The following VOPP1 variants were observed in gnomAD, a reference collection of about 807,000 sequenced individuals.
VOPP1 encodes VOPP1 WW domain binding protein, also known as WW domain binding protein VOPP1.
A neutral mutation model predicts 23.5 loss-of-function variants in VOPP1; 8 were observed. The observed-to-expected ratio is 0.34, with a 90% confidence interval of 0.20 to 0.61. The LOEUF (loss-of-function observed/expected upper bound fraction) is 0.61, where lower values mean the gene tolerates loss of function less well. Among genes scored for constraint, VOPP1 ranks in the 20% least tolerant of loss-of-function variants. The pLI, the probability that VOPP1 is intolerant of heterozygous loss-of-function variation, is 0.78. For missense variants in VOPP1, 174 were observed against 238.1 expected (o/e 0.73, Z 1.77); for synonymous variants, 83 against 97.3 (o/e 0.85, Z 0.86).
chr7:55,546,925 C>T (rs1402022034), intron 1 of VOPP1, among the ~76,000 whole-genome samples: 4 of 152,220 alleles, frequency 2.6e-5, no homozygotes, highest in Admixed American at 2.6e-4. Context: ...AGGCCTTGTC[C>T]CCAGTGCCCC....
intron 4 of VOPP1, among the ~76,000 whole-genome samples, chr7:55,476,912 C>G (rs909834405): frequency 6.6e-6 from 1 of 152,202 alleles, no homozygotes; most frequent in African/African-American, 2.4e-5. Flanking sequence ...AGCCTTGTGT[C>G]TCACCGCCTG....
intron 4 of VOPP1, among the ~76,000 whole-genome samples, chr7:55,473,550 A>AT (rs1050987716): frequency 1.3e-5 from 2 of 152,130 alleles, no homozygotes; most frequent in East Asian, 1.9e-4. Context: ...GCTGCAGCTG[A>AT]TTGACGCTCC....
intron 4 of VOPP1, among the ~76,000 whole-genome samples, chr7:55,436,450 G>A (rs2128997951): frequency 6.6e-6 from 1 of 152,282 alleles, no homozygotes; most frequent in East Asian, 1.9e-4. Flanking sequence ...GCAGGTGAAG[G>A]TGCCGGTGAT....
At chr7:55,486,413 G>A (rs1793145822) in intron 4 of VOPP1, among the ~76,000 whole-genome samples, 1 of 152,206 alleles carries the variant, frequency 6.6e-6, no homozygotes, top group Non-Finnish European at 1.5e-5. Context: ...ACTGGGCTGT[G>A]CAAACCATAA....
Position 55,459,733 on chromosome 7 carries a change from GATTTT to G in VOPP1, n.418-23564_418-23560del, listed in dbSNP as rs565519631. Among the ~76,000 whole-genome samples the G allele has an allele frequency of 5.7e-3, 863 of 151,912 alleles. 9 individuals are homozygous for G. The highest frequency in any genetic ancestry group is 0.02 in the African/African-American group (819 of 41,452). On this transcript the variant is annotated intron_variant and non_coding_transcript_variant, in intron 4 of 4. Transcript: ENST00000462326. Reference sequence around the variant, plus strand: ...TTATAATATCTTCTTTCTCATTTCTGATTTTATTTGACTCTTCTTCCTTTTTTCAT... The same window carrying G: ...TTATAATATCTTCTTTCTCATTTCTGATTTGACTCTTCTTCCTTTTTTCAT...
chr7:55,475,090 G>T (rs815958), intron 4 of VOPP1, among the ~76,000 whole-genome samples: 95,282 of 151,906 alleles, frequency 0.63, 31,113 homozygotes, highest in Admixed American at 0.71. Context: ...TGTAGGAGGG[G>T]ACGGGTGGCA....
intron 2 of VOPP1, among the ~76,000 whole-genome samples, chr7:55,506,931 T>C (rs891248735): frequency 1.3e-5 from 2 of 152,214 alleles, no homozygotes; most frequent in Non-Finnish European, 2.9e-5. Context: ...TTTGAGCCAC[T>C]GTGCCCGGCC....
chr7:55,468,487 C>A (rs1054982585), downstream of VOPP1, among the ~76,000 whole-genome samples: 2 of 152,104 alleles, frequency 1.3e-5, no homozygotes, highest in African/African-American at 4.8e-5. Context: ...CCCTTCCCAG[C>A]GGAGGTGCAA....
chr7:55,497,851 A>G (rs1794086088), intron 2 of VOPP1, among the ~76,000 whole-genome samples, 161 bp from the exon 3 acceptor site: 1 of 152,266 alleles, frequency 6.6e-6, no homozygotes, highest in Admixed American at 6.5e-5. Flanking sequence ...GAACCAGCAG[A>G]GCAGAATGAC....
At chr7:55,535,966 A>G (rs1269382790) in intron 1 of VOPP1, among the ~76,000 whole-genome samples, 3 of 152,096 alleles carry the variant, frequency 2.0e-5, no homozygotes, top group Admixed American at 6.5e-5. Context: ...CACCTGACCC[A>G]CACTCTGTGC....
chr7:55,461,809 T>C (rs1194133449), intron 4 of VOPP1, among the ~76,000 whole-genome samples: 3 of 152,228 alleles, frequency 2.0e-5, no homozygotes, highest in South Asian at 2.1e-4. Flanking sequence ...ATTTTGTTAA[T>C]TGTTTTCTAC....
intron 3 of VOPP1, among the ~76,000 whole-genome samples, chr7:55,495,135 A>G (rs1793863796): frequency 6.6e-6 from 1 of 150,828 alleles, no homozygotes; most frequent in Admixed American, 6.6e-5. Context: ...CCCAGACCCC[A>G]CTCAGGACTC....
chr7:55,446,433 C>T (rs896874257), intron 4 of VOPP1, among the ~76,000 whole-genome samples: 1 of 152,200 alleles, frequency 6.6e-6, no homozygotes, highest in Admixed American at 6.5e-5. Flanking sequence ...AGAGATACCA[C>T]ACCCTTCCCT....
intron 1 of VOPP1, among the ~76,000 whole-genome samples, chr7:55,572,020 CT>C (rs1303714102): frequency 6.6e-6 from 1 of 152,182 alleles, no homozygotes; most frequent in Non-Finnish European, 1.5e-5. Context: ...GGGAAACGCG[CT>C]CACCCGCAGG....
chr7:55,499,752 G>A (rs1037986951), intron 2 of VOPP1, among the ~76,000 whole-genome samples: 5 of 152,118 alleles, frequency 3.3e-5, no homozygotes, highest in Non-Finnish European at 7.4e-5. Flanking sequence ...TGCTCGGGAC[G>A]GGGGAATGCT....
At chr7:55,522,209 G>A (rs1259768493) in intron 1 of VOPP1, among the ~76,000 whole-genome samples, 3 of 152,226 alleles carry the variant, frequency 2.0e-5, no homozygotes, top group African/African-American at 7.2e-5. Flanking sequence ...CAGCTGGAAT[G>A]GAGTTAGAGA....
intron 1 of VOPP1, among the ~76,000 whole-genome samples, chr7:55,558,409 T>C: frequency 6.6e-6 from 1 of 152,218 alleles, no homozygotes; most frequent in East Asian, 1.9e-4. Context: ...ATATCCTTCA[T>C]ATTTTTAATA....
chr7:55,505,778 T>C (rs1337479696), intron 2 of VOPP1, among the ~76,000 whole-genome samples: 1 of 152,076 alleles, frequency 6.6e-6, no homozygotes, highest in Non-Finnish European at 1.5e-5. Flanking sequence ...GTATTGATGA[T>C]TAAGTCAATG....
rs549467936 is a variant in VOPP1 at position 55,483,342 on chromosome 7, G to A, written c.328+8940C>T. ...AGGCTGTAATTTGACCAGCAGGTGCGAGGCAGTTGATAAGTGTCTATGGAT... is the reference window on the plus strand; with the variant it reads ...AGGCTGTAATTTGACCAGCAGGTGCAAGGCAGTTGATAAGTGTCTATGGAT... On this transcript the variant is annotated intron_variant, in intron 4 of 4. Coordinates refer to ENST00000285279, the MANE Select transcript of VOPP1 (RefSeq NM_030796.5). Among the ~76,000 whole-genome samples, 7 of 152,286 alleles carry A rather than the reference G, an allele frequency of 4.6e-5. No homozygotes were observed. In the South Asian group the frequency reaches 6.2e-4, roughly 14 times the overall value.
Sources: allele counts gnomAD v4.1 joint callset (sites outside exome capture counted in the v4.1 genomes callset), GRCh38; gene constraint gnomAD v4.1.1; transcripts MANE v1.5; gene names NCBI Gene and HGNC (gene_info 2026-07-23, HGNC 2026-07-21).